The following CNTN5 variants were observed in gnomAD, a reference collection of about 807,000 sequenced individuals.
The protein encoded by CNTN5 is contactin-5.
CNTN5 carries 77 observed loss-of-function variants against 129.1 expected under a neutral mutation model. That is an observed-to-expected ratio of 0.60 (90% CI 0.50 to 0.72). The LOEUF is 0.72. CNTN5 is among the 30% of genes least tolerant of loss of function. The probability of loss-of-function intolerance (pLI) is 0.00; values close to 1 mark genes in which losing one functional copy is unlikely to be tolerated. For missense variants in CNTN5, 1,478 were observed against 1,328.8 expected, an observed-to-expected ratio of 1.11 and a Z score of -1.75; for synonymous variants, 509 against 465.6, an observed-to-expected ratio of 1.09 and a Z score of -1.20.
intron 1 of CNTN5, among the ~76,000 whole-genome samples, chr11:99,138,488 T>A (rs1239242564): frequency 3.9e-5 from 6 of 152,176 alleles, no homozygotes; most frequent in African/African-American, 1.4e-4. Flanking sequence ...TTATAGTTCT[T>A]AAACCAAGAT....
intron 8 of CNTN5, among the ~76,000 whole-genome samples, chr11:99,987,595 A>G (rs1026719210): frequency 1.3e-5 from 2 of 151,474 alleles, no homozygotes; most frequent in African/African-American, 4.8e-5. Flanking sequence ...GAAAGAGATT[A>G]ACTTGGTGAG....
intron 1 of CNTN5, among the ~76,000 whole-genome samples, chr11:99,077,648 T>TAATCCCCAC: frequency 6.6e-6 from 1 of 152,312 alleles, no homozygotes; most frequent in South Asian, 2.1e-4. Context: ...TCTTGAATTG[T>TAATCCCCAC]AATCCCCACA....
At chr11:99,466,249 A>T (rs113172085) in intron 2 of CNTN5, among the ~76,000 whole-genome samples, 1,847 of 152,160 alleles carry the variant, frequency 0.012, 38 homozygotes, top group African/African-American at 0.042. Flanking sequence ...CAAGGGGGAA[A>T]TCTTTCCTCA....
chr11:99,437,275 T>C lies in CNTN5; in HGVS notation c.-71+111791T>C, dbSNP rs17133539. 9.2e-3 allele frequency among the ~76,000 whole-genome samples: 1,396 copies of C among 152,322 alleles called. 19 individuals are homozygous for C. The highest frequency in any genetic ancestry group is 0.032 in the African/African-American group (1,344 of 41,584). ...TATGTTAAAGTCACACAACTAGGAA[T>C]GGCTACTGGTATGAGAATTAAAAGT... is the stretch of plus-strand genomic sequence containing the variant. On this transcript the variant is annotated intron_variant, in intron 2 of 24. Coordinates refer to ENST00000524871, the MANE Select transcript of CNTN5 (RefSeq NM_014361.4).
At chr11:100,139,289 C>T (rs1946619220) in intron 13 of CNTN5, among the ~76,000 whole-genome samples, 1 of 151,988 alleles carries the variant, frequency 6.6e-6, no homozygotes, top group Non-Finnish European at 1.5e-5. Flanking sequence ...GTAGAAGTAC[C>T]ACACTTCAAA....
chr11:99,821,706 T>C (rs538309419), intron 4 of CNTN5, among the ~76,000 whole-genome samples: 1 of 152,112 alleles, frequency 6.6e-6, no homozygotes, highest in African/African-American at 2.4e-5. Context: ...TCCTCAATCT[T>C]TACAGATAAA....
intron 4 of CNTN5, among the ~76,000 whole-genome samples, chr11:99,831,971 C>G (rs184131539): frequency 2.6e-5 from 4 of 152,212 alleles, no homozygotes; most frequent in Non-Finnish European, 5.9e-5. Flanking sequence ...TTGTCAACTT[C>G]CAATGGCCAA....
In CNTN5 at chr11:100,135,655, C is replaced by G. The variant is rs138001414; in HGVS notation, c.1581-55471C>G. 2.6e-5 allele frequency among the ~76,000 whole-genome samples: 4 copies of G among 152,102 alleles called. No individual in the cohort carries two copies. In the South Asian group the frequency reaches 8.3e-4, roughly 32 times the overall value. On this transcript the variant is annotated intron_variant, in intron 13 of 24. Transcript: ENST00000524871. The stretch of plus-strand genomic sequence containing the variant: ...ACTTGCCCAGCACAAACTAATATGA[C>G]GAGTTTTCTTACACAAAGAGTAAAA...
intron 21 of CNTN5, among the ~76,000 whole-genome samples, chr11:100,332,302 A>T (rs1442011573): frequency 6.6e-6 from 1 of 151,978 alleles, no homozygotes; most frequent in Non-Finnish European, 1.5e-5. Context: ...AGAACGTCTG[A>T]ACAGACCAAT....
chr11:99,176,476 A>T (rs1476299716), intron 1 of CNTN5, among the ~76,000 whole-genome samples: 4 of 152,088 alleles, frequency 2.6e-5, no homozygotes, highest in Admixed American at 2.6e-4. Context: ...CCAAAATCAA[A>T]CTCAAAATCA....
chr11:99,816,058 C>G lies in CNTN5; in HGVS notation c.56-3486C>G, dbSNP rs565385524. On this transcript the variant is annotated intron_variant, in intron 3 of 24. Transcript: ENST00000524871. ...ATTTTAACAGACTAACCTCTCTAAC[C>G]CCCAATTTAAATTCAACTATTAATA... Among the ~76,000 whole-genome samples, 60 of 152,190 alleles carry G rather than the reference C, an allele frequency of 3.9e-4. 1 individual carries two copies. Among genetic ancestry groups the G allele is most frequent in the Admixed American group, 2.4e-3 (37 of 15,278 alleles).
intron 9 of CNTN5, among the ~76,000 whole-genome samples, chr11:100,051,547 C>G (rs1942956479): frequency 6.6e-6 from 1 of 151,692 alleles, no homozygotes; most frequent in African/African-American, 2.4e-5. Flanking sequence ...ATGATCTAAA[C>G]TTCTACCTTA....
chr11:99,744,927 C>T (rs761600666), intron 3 of CNTN5, among the ~76,000 whole-genome samples: 8 of 152,132 alleles, frequency 5.3e-5, no homozygotes, highest in African/African-American at 1.4e-4. Context: ...GTAAGGCAGG[C>T]GTTATTTTTA....
chr11:99,853,141 G>T (rs1947926764), intron 6 of CNTN5, among the ~76,000 whole-genome samples: 1 of 152,062 alleles, frequency 6.6e-6, no homozygotes, highest in East Asian at 1.9e-4. Context: ...TTCACTGAGG[G>T]ACAAGTCAGA....
intron 18 of CNTN5, among the ~76,000 whole-genome samples, chr11:100,289,305 A>C (rs1485098369): frequency 2.0e-5 from 3 of 152,186 alleles, no homozygotes; most frequent in African/African-American, 7.2e-5. Flanking sequence ...AGACACAACG[A>C]ACAAAGAGAA....
intron 8 of CNTN5, among the ~76,000 whole-genome samples, chr11:99,978,805 G>A (rs892742798): frequency 1.3e-5 from 2 of 152,186 alleles, no homozygotes; most frequent in Admixed American, 1.3e-4. Flanking sequence ...ATTGTACTGA[G>A]ACAGCTTCCC....
At chr11:99,540,089 C>T (rs918642524) in intron 2 of CNTN5, among the ~76,000 whole-genome samples, 1 of 152,070 alleles carries the variant, frequency 6.6e-6, no homozygotes, top group African/African-American at 2.4e-5. Flanking sequence ...TTGTGCTTTG[C>T]CCCTGCATGA....
At chr11:99,783,609 G>C (rs1298656624) in intron 3 of CNTN5, among the ~76,000 whole-genome samples, 2 of 124,932 alleles carry the variant, frequency 1.6e-5, no homozygotes, top group African/African-American at 6.1e-5. Flanking sequence ...AGAAAATGTG[G>C]CACATATACA....
At chr11:99,963,492 G>A (rs560700603) in intron 8 of CNTN5, among the ~76,000 whole-genome samples, 24 of 152,108 alleles carry the variant, frequency 1.6e-4, no homozygotes, top group African/African-American at 5.8e-4. Flanking sequence ...ATTTCTGAGG[G>A]CTCTGTTCTG....
Sources: gnomAD v4.1 joint callset for allele counts (sites outside exome capture counted in the v4.1 genomes callset) on GRCh38, gnomAD v4.1.1 for gene constraint, MANE v1.5 for transcripts, NCBI Gene and HGNC (gene_info 2026-07-23, HGNC 2026-07-21) for gene names.